NRXN1: variants seen among roughly 807,000 people sequenced by gnomAD.
NRXN1 encodes the protein neurexin-1.
A neutral mutation model predicts 150.9 loss-of-function variants in NRXN1; 39 were observed. The observed-to-expected ratio is 0.26, with a 90% CI of 0.20 to 0.34. The LOEUF (loss-of-function observed/expected upper bound fraction) is 0.34. Among genes scored for constraint, NRXN1 ranks in the 10% least tolerant of loss-of-function variants. The pLI, the probability that NRXN1 is intolerant of heterozygous loss-of-function variation, is 1.00. For synonymous variants in NRXN1, 924 were observed against 757.0 expected, an observed-to-expected ratio of 1.22 and a Z score of -3.62; for missense variants, 1,815 against 1,949.9, an observed-to-expected ratio of 0.93 and a Z score of 1.30.
At chr2:50,467,737 A>C (rs2089048471) in intron 16 of NRXN1, among the ~76,000 whole-genome samples, 1 of 151,532 alleles carries the variant, frequency 6.6e-6, no homozygotes, top group Non-Finnish European at 1.5e-5. Flanking sequence ...TATAATAAGA[A>C]GACCTCCCAA....
rs530747145 is a variant in NRXN1, at chr2:50,114,101, T to A, written c.3547-22607A>T. 3.6e-4 allele frequency among the ~76,000 whole-genome samples: 55 copies of A among 152,146 alleles called. 1 individual carries two copies. The South Asian group carries it at 0.011, about 30-fold the overall frequency. ...ACTGGGAGAAACTATTTGCAAAAGA[T>A]ATATCTGATAAAGGGCTGTGATCCA... On this transcript the variant is annotated intron_variant, in intron 18 of 22. Coordinates refer to ENST00000401669, the MANE Select transcript of NRXN1 (RefSeq NM_001330078.2).
chr2:50,219,983 T>C (rs2063742923), intron 18 of NRXN1, among the ~76,000 whole-genome samples: 1 of 48,172 alleles, frequency 2.1e-5, no homozygotes, highest in South Asian at 4.2e-4. Flanking sequence ...ATAATATATA[T>C]ATTATATATA....
At chr2:50,202,709 G>C (rs1036740126) in intron 18 of NRXN1, among the ~76,000 whole-genome samples, 3 of 152,040 alleles carry the variant, frequency 2.0e-5, no homozygotes, top group Non-Finnish European at 1.5e-5. Context: ...GATGATATAT[G>C]AATATAAAGT....
chr2:50,893,760 T>C (rs1681461297), intron 5 of NRXN1, among the ~76,000 whole-genome samples: 2 of 152,172 alleles, frequency 1.3e-5, no homozygotes, highest in South Asian at 2.1e-4. Context: ...TTTCTATTTC[T>C]GGTACTATAG....
intron 2 of NRXN1, among the ~76,000 whole-genome samples, chr2:50,950,896 G>A (rs757241936): frequency 6.6e-6 from 1 of 152,090 alleles, no homozygotes; most frequent in Non-Finnish European, 1.5e-5. Context: ...TAAATAACCT[G>A]AGAGTTCTAG....
intron 17 of NRXN1, among the ~76,000 whole-genome samples, chr2:50,457,823 CAT>C (rs765220645): frequency 2.6e-5 from 4 of 151,888 alleles, no homozygotes; most frequent in Non-Finnish European, 4.4e-5. Context: ...ATAAAAAAGA[CAT>C]AAAATAACAC....
intron 9 of NRXN1, among the ~76,000 whole-genome samples, chr2:50,551,103 AGGGAGGGGGAGG>A (rs1223620377): frequency 8.3e-4 from 54 of 64,958 alleles, no homozygotes; most frequent in African/African-American, 3.0e-3. Context: ...GAGGAGGAGG[AGGGAGGGGGAGG>A]GGGAGGGGGA....
chr2:50,526,242 A>G (rs1361202656), intron 12 of NRXN1, among the ~76,000 whole-genome samples: 2 of 152,170 alleles, frequency 1.3e-5, no homozygotes, highest in African/African-American at 4.8e-5. Flanking sequence ...TTAATGTAAG[A>G]TAATCTTTTA....
Position 51,027,921 on chromosome 2 carries a change from C to A in NRXN1, c.353G>T (p.Arg118Leu). Residue 118 changes from arginine to leucine, a missense_variant, in exon 2 of 23, where the codon CGC (arginine) becomes CTC (leucine). Physicochemically the swap from Arg to Leu is moderately radical, Grantham distance 102. Coordinates refer to ENST00000401669, the MANE Select transcript of NRXN1 (RefSeq NM_001330078.2). ...PVNDGAWHSV[R>L]IRRQFRNTTL... is the part of the protein sequence containing the mutation. ...GGTGTTGCGGAACTGGCGGCGGATGCGCACGCTGTGCCAGGCGCCGTCGTT... is the reference window on the plus strand; with the variant it reads ...GGTGTTGCGGAACTGGCGGCGGATGAGCACGCTGTGCCAGGCGCCGTCGTT... The A allele has an allele frequency of 3.1e-6, 5 of 1,606,892 alleles. No homozygotes were observed. Among genetic ancestry groups the A allele is most frequent in the Non-Finnish European group, 4.2e-6 (5 of 1,179,638 alleles).
rs113193713 is a variant in NRXN1, at chr2:50,801,702, TG to T, written c.832+120166del. 2.0e-3 allele frequency among the ~76,000 whole-genome samples: 304 copies of T among 152,306 alleles called. 5 individuals are homozygous for T. The highest frequency in any genetic ancestry group is 7.1e-3 in the African/African-American group (296 of 41,584). ...AAATGTTTTGTGAGAATCTAGTTTT[TG>T]TATAATATTTATATTTGTATTTTCA... On this transcript the variant is annotated intron_variant, in intron 5 of 22. Coordinates refer to ENST00000401669, the MANE Select transcript of NRXN1 (RefSeq NM_001330078.2).
At chr2:50,832,376 G>A (rs1006524358) in intron 5 of NRXN1, among the ~76,000 whole-genome samples, 2 of 152,126 alleles carry the variant, frequency 1.3e-5, no homozygotes, top group African/African-American at 4.8e-5. Context: ...AATGGGCCAG[G>A]TGCGGTGGCT....
chr2:50,812,879 A>G (rs1318554086), intron 5 of NRXN1, among the ~76,000 whole-genome samples: 2 of 151,876 alleles, frequency 1.3e-5, no homozygotes, highest in Non-Finnish European at 2.9e-5. Context: ...TCTTGAAAAA[A>G]TGGTTTTAAA....
intron 2 of NRXN1, among the ~76,000 whole-genome samples, chr2:50,964,438 AGATG>A (rs1693721590): frequency 5.9e-5 from 9 of 151,536 alleles, no homozygotes; most frequent in Non-Finnish European, 1.2e-4. Flanking sequence ...GAAAATTAAA[AGATG>A]TAACTATTTA....
intron 5 of NRXN1, among the ~76,000 whole-genome samples, chr2:50,801,667 T>C (rs1245337825): frequency 6.6e-6 from 1 of 152,218 alleles, no homozygotes; most frequent in Non-Finnish European, 1.5e-5. Context: ...GTTTATATAA[T>C]AGGTTTCCTA....
intron 21 of NRXN1, among the ~76,000 whole-genome samples, chr2:50,032,116 A>G (rs1427754099): frequency 6.6e-6 from 1 of 152,120 alleles, no homozygotes; most frequent in Non-Finnish European, 1.5e-5. Context: ...AATGATAGAT[A>G]TGCTATTTTA....
At chr2:50,348,178 G>GC (rs1355172039) in intron 17 of NRXN1, among the ~76,000 whole-genome samples, 1 of 152,166 alleles carries the variant, frequency 6.6e-6, no homozygotes, top group African/African-American at 2.4e-5. Flanking sequence ...TTGTACTCAA[G>GC]CATCAGTCGC....
At chr2:50,176,438 T>TA (rs1387406468) in intron 18 of NRXN1, among the ~76,000 whole-genome samples, 1 of 152,140 alleles carries the variant, frequency 6.6e-6, no homozygotes, top group African/African-American at 2.4e-5. Context: ...CTGTGAATTT[T>TA]AGAGTGTTTA....
At chr2:50,186,615 G>T (rs1334583656) in intron 18 of NRXN1, among the ~76,000 whole-genome samples, 1 of 151,976 alleles carries the variant, frequency 6.6e-6, no homozygotes, top group African/African-American at 2.4e-5. Flanking sequence ...ATTTGGCCAG[G>T]TTCCTTGTAA....
rs1381863366 is a variant in NRXN1, at chr2:50,347,601, C to A, written c.3365-110631G>T. On this transcript the variant is annotated intron_variant, in intron 17 of 22. Coordinates refer to ENST00000401669, the MANE Select transcript of NRXN1 (RefSeq NM_001330078.2). This position sits in a 1 kb window ranked among gnomAD's most constrained non-coding sequence, Gnocchi z 4.9. Reference sequence around the variant, plus strand: ...CTCCCGAGGCAATCTCCGCGTCCGCCGCCTCCTGACACTTACGCCCGGCGA... The same window carrying A: ...CTCCCGAGGCAATCTCCGCGTCCGCAGCCTCCTGACACTTACGCCCGGCGA... 3.0e-6 allele frequency: 3 copies of A among 1,009,718 alleles called. No individual in the cohort carries two copies. The highest frequency in any genetic ancestry group is 2.2e-4 in the East Asian group (2 of 8,960). The allele number at this position is 1,009,718 out of a possible 1,614,324, so 62.5% of individuals were successfully genotyped here.
Sources: allele counts gnomAD v4.1 joint callset (sites outside exome capture counted in the v4.1 genomes callset), GRCh38; gene constraint gnomAD v4.1.1; non-coding constraint Gnocchi (gnomAD v3.1); transcripts MANE v1.5; gene names NCBI Gene and HGNC (gene_info 2026-07-23, HGNC 2026-07-21).